The following SLX4 variants were observed in gnomAD, a reference collection of about 807,000 sequenced individuals.
SLX4 encodes the protein SLX4 structure-specific endonuclease subunit.
SLX4 carries 112 observed loss-of-function variants against 146.2 expected under a neutral mutation model. The ratio of observed to expected loss-of-function variants is 0.77; its 90% CI spans 0.66 to 0.90. The LOEUF (loss-of-function observed/expected upper bound fraction) is 0.90, where lower values mean the gene tolerates loss of function less well. Among genes scored for constraint, SLX4 ranks in the 40% least tolerant of loss-of-function variants. SLX4 has a pLI of 0.00. For synonymous variants in SLX4, 1,061 were observed against 997.7 expected, an observed-to-expected ratio of 1.06 and a Z score of -1.20; for missense variants, 2,563 against 2,392.7, an observed-to-expected ratio of 1.07 and a Z score of -1.49.
In SLX4 at chr16:3,589,021, G is replaced by C. The variant is rs545723462; in HGVS notation, c.4617C>G (p.Pro1539=). Residue 1539 remains proline, a synonymous_variant, in exon 12 of 15, where the codon CCC becomes CCG. Transcript: ENST00000294008. The surrounding 1 kb of genome is among the most constrained non-coding windows in gnomAD (Gnocchi z 6.2). ...QMPSAGGAQK[P]EGLETPKGAN... ...ACTCACTGGGTGTCTCTAACCCTTCGGGCTTCTGAGCTCCACCAGCGCTTG... is the reference window on the plus strand; with the variant it reads ...ACTCACTGGGTGTCTCTAACCCTTCCGGCTTCTGAGCTCCACCAGCGCTTG... The C allele has an allele frequency of 6.2e-6, 10 of 1,614,038 alleles. No homozygotes were observed. The highest frequency in any genetic ancestry group is 1.1e-5 in the South Asian group (1 of 91,072).
Position 3,583,491 on chromosome 16 carries a change from G to T in SLX4, c.4759C>A (p.Pro1587Thr). 1 of 1,614,178 alleles carries T rather than the reference G, an allele frequency of 6.2e-7. No individual in the cohort carries two copies. The part of the protein sequence containing the change: ...ELDRFGVRPL[P>T]KRQMVLKLKE... ...AGCTTCAGAACCATCTGGCGTTTAGGCAGAGGGCGGACTCCAAACCTGACG... is the reference window on the plus strand; with the variant it reads ...AGCTTCAGAACCATCTGGCGTTTAGTCAGAGGGCGGACTCCAAACCTGACG... The change falls in exon 14 of 15, where the codon CCT becomes ACT. Residue 1587 changes from proline to threonine, a missense_variant. By Grantham distance (38) the Pro-to-Thr change is conservative (BLOSUM62 -1). Coordinates refer to ENST00000294008, the MANE Select transcript of SLX4 (RefSeq NM_032444.4).
intron 4 of SLX4, chr16:3,601,747 T>C: frequency 3.0e-6 from 1 of 327,898 alleles, no homozygotes; most frequent in Non-Finnish European, 5.8e-6. Flanking sequence ...CTGTGCAATT[T>C]CAGAATCGGC....
chr16:3,610,135 G>A (rs934292648), intron 1 of SLX4, among the ~76,000 whole-genome samples: 2 of 152,150 alleles, frequency 1.3e-5, no homozygotes, highest in Non-Finnish European at 2.9e-5. Flanking sequence ...GCTAAGTGGG[G>A]TTCAAAAATC....
At position 3,582,127 on chromosome 16, in the gene SLX4, G is replaced by A. The variant is rs2040442739; in HGVS notation, c.*215C>T. The A allele has an allele frequency of 5.0e-5, 30 of 597,836 alleles. No individual in the cohort carries two copies. The South Asian group carries it at 6.0e-4, about 12-fold the overall frequency. 37.0% of individuals were successfully genotyped at this position (597,836 alleles called of 1,614,324 possible). ...GGGCTGGAGTCTGTAAATCCAGTGG[G>A]TGACATGCTCCAAATGCCACCCTAG... is the stretch of plus-strand genomic sequence containing the variant. On this transcript the variant is annotated 3_prime_UTR_variant, in exon 15 of 15. Coordinates refer to ENST00000294008, the MANE Select transcript of SLX4 (RefSeq NM_032444.4).
At chr16:3,586,359 TA>T (rs71133646) in intron 12 of SLX4, among the ~76,000 whole-genome samples, 55 of 146,414 alleles carry the variant, frequency 3.8e-4, no homozygotes, top group Admixed American at 5.5e-4. Context: ...CAGTCTCTAC[TA>T]AAAAAAAAAA....
chr16:3,584,774 C>T lies in SLX4; in HGVS notation c.4734G>A (p.Leu1578=). The T allele has an allele frequency of 1.2e-6, 2 of 1,612,652 alleles. No homozygotes were observed. The highest frequency in any genetic ancestry group is 1.7e-6 in the Non-Finnish European group (2 of 1,178,646). Residue 1578 remains leucine, a synonymous_variant, in exon 13 of 15, where the codon CTG becomes CTA. Coordinates refer to ENST00000294008, the MANE Select transcript of SLX4 (RefSeq NM_032444.4). ...AAGCTTTGAAGACCGCCAACCTATC[C>T]AGTTCCTTCTTCAGCACCGGCGTCT... ...IMETPVLKKE[L]DRFGVRPLPK... is the part of the protein sequence containing the mutation.
chr16:3,606,779 C>T, intron 2 of SLX4, 81 bp from the exon 3 acceptor site: 6 of 1,455,130 alleles, frequency 4.1e-6, no homozygotes, highest in African/African-American at 1.4e-5. Context: ...AGGTTAGACG[C>T]AAGTTTCAAG....
intron 7 of SLX4, among the ~76,000 whole-genome samples, chr16:3,596,823 GTT>G (rs559583897): frequency 3.6e-5 from 5 of 137,744 alleles, no homozygotes; most frequent in African/African-American, 8.0e-5. Flanking sequence ...CTGGGACTCT[GTT>G]TTTTTTTTTT....
chr16:3,597,714 G>C lies in SLX4; in HGVS notation c.1367-19C>G, dbSNP rs775465966. ...TTATTCTCTAGAGAGAAACAAAAGC[G>C]ACACCATCAACGGTGGAGTCGGTCC... is the stretch of plus-strand genomic sequence containing the variant. On this transcript the variant is annotated intron_variant, in intron 6 of 14. Transcript: ENST00000294008. The surrounding 1 kb of genome is among the most constrained non-coding windows in gnomAD (Gnocchi z 4.4). 2 of 1,614,010 alleles carry C rather than the reference G, an allele frequency of 1.2e-6. No homozygotes were observed. Among genetic ancestry groups the C allele is most frequent in the Non-Finnish European group, 1.7e-6 (2 of 1,180,010 alleles).
At chr16:3,609,823 C>G (rs1567178865) in intron 1 of SLX4, among the ~76,000 whole-genome samples, 1 of 152,204 alleles carries the variant, frequency 6.6e-6, no homozygotes, top group Non-Finnish European at 1.5e-5. Flanking sequence ...GTTTTCTTAA[C>G]TGAAATTTAG....
At chr16:3,592,632 A>C (rs1596523762) in intron 11 of SLX4, 67 bp downstream of exon 11, 1 of 1,551,306 alleles carries the variant, frequency 6.4e-7, no homozygotes, top group Non-Finnish European at 8.8e-7. Flanking sequence ...CTGCAGCACA[A>C]CCCTCCAGAG....
At position 3,582,384 on chromosome 16, in the gene SLX4, C is replaced by T. The variant is rs768327923; in HGVS notation, c.5463G>A (p.Arg1821=). The change falls in exon 15 of 15, where the codon AGG becomes AGA. Residue 1821 remains arginine (R), a synonymous_variant. Transcript: ENST00000294008. The part of the protein sequence containing the change: ...AATRREKLQG[R]RRQPRGKKKV... ...TCTTCTTGCCCCGAGGCTGCCGCCTCCTGCCCTGGAGCTTCTCCCTGCGGG... is the reference window on the plus strand; with the variant it reads ...TCTTCTTGCCCCGAGGCTGCCGCCTTCTGCCCTGGAGCTTCTCCCTGCGGG... 2 of 1,613,784 alleles carry T rather than the reference C, an allele frequency of 1.2e-6. No homozygotes were observed. The highest frequency in any genetic ancestry group is 1.1e-5 in the South Asian group (1 of 91,074).
Position 3,590,687 on chromosome 16 carries a change from T to A in SLX4, c.2951A>T (p.Glu984Val), listed in dbSNP as rs1183653125. The change falls in exon 12 of 15, where the codon GAA becomes GTA. Residue 984 changes from glutamate (E) to valine (V), a missense_variant. By Grantham distance (121) the Glu-to-Val change is moderately radical. Transcript: ENST00000294008. The surrounding 1 kb of genome is among the most constrained non-coding windows in gnomAD (Gnocchi z 4.8). The part of the protein sequence containing the change: ...LPHSDDAGDY[E>V]QLFSSTQGEI... ...TCCCTGAGTTGATGAGAAGAGCTGT[T>A]CGTAATCCCCGGCATCATCTGAGTG... is the stretch of plus-strand genomic sequence containing the variant. The A allele has an allele frequency of 6.2e-7, 1 of 1,614,194 alleles. No individual in the cohort carries two copies. Among genetic ancestry groups the A allele is most frequent in the Non-Finnish European group, 8.5e-7 (1 of 1,180,026 alleles).
intron 1 of SLX4, among the ~76,000 whole-genome samples, chr16:3,611,067 A>G (rs528496610): frequency 6.6e-6 from 1 of 152,290 alleles, no homozygotes; most frequent in South Asian, 2.1e-4. Context: ...GACATAACGG[A>G]TCCTGCAAGC....
intron 4 of SLX4, 147 bp downstream of exon 4, chr16:3,601,971 C>T (rs1285155200): frequency 4.6e-6 from 4 of 864,554 alleles, no homozygotes; most frequent in Non-Finnish European, 7.4e-6. Flanking sequence ...TGTATCTCAA[C>T]GAAGTTATTT....
At position 3,597,851 on chromosome 16, in the gene SLX4, CAGCCG is replaced by C. The variant is rs1432484675; in HGVS notation, c.1307_1311del (p.Ala436GlyfsTer12). Reference sequence around the variant, plus strand: ...GCACTTTCCAGCCTGAGCGCTGGTACAGCCGCACCCGGCTCCATCTCCGACCGGGA... The same window carrying C: ...GCACTTTCCAGCCTGAGCGCTGGTACCACCCGGCTCCATCTCCGACCGGGA... On this transcript the variant is annotated frameshift_variant, in exon 6 of 15. Coordinates refer to ENST00000294008, the MANE Select transcript of SLX4 (RefSeq NM_032444.4). LOFTEE classifies it high-confidence loss of function. The surrounding 1 kb of genome is among the most constrained non-coding windows in gnomAD (Gnocchi z 4.4). 6.2e-7 allele frequency: 1 copy of C among 1,614,130 alleles called. No homozygotes were observed. The highest frequency in any genetic ancestry group is 8.5e-7 in the Non-Finnish European group (1 of 1,180,036).
chr16:3,597,836 G>A lies in SLX4; in HGVS notation c.1327C>T (p.Leu443=). The A allele has an allele frequency of 6.2e-7, 1 of 1,614,100 alleles. No homozygotes were observed. The highest frequency in any genetic ancestry group is 8.5e-7 in the Non-Finnish European group (1 of 1,180,036). The part of the protein sequence containing the change: ...EPGAAVPALR[L]ESAFSERIRP... ...ATCCTCTCAGAAAAGGCACTTTCCA[G>A]CCTGAGCGCTGGTACAGCCGCACCC... Residue 443 remains leucine, a synonymous_variant, in exon 6 of 15, where the codon CTG becomes TTG. Coordinates refer to ENST00000294008, the MANE Select transcript of SLX4 (RefSeq NM_032444.4). This position sits in a 1 kb window ranked among gnomAD's most constrained non-coding sequence, Gnocchi z 4.4.
In SLX4 at chr16:3,590,777, C is replaced by T. The variant is rs750559914; in HGVS notation, c.2861G>A (p.Gly954Asp). 1.2e-6 allele frequency: 2 copies of T among 1,613,906 alleles called. No individual in the cohort carries two copies. The highest frequency in any genetic ancestry group is 1.3e-5 in the African/African-American group (1 of 74,934). ...GGAAGGGCTGGAGCAGCTGGAATGG[C>T]CAAGCGCCTCCTCTGGCGCCTCCTG... ...PEQEAPEEAL[G>D]HSSCSSPSRD... The change falls in exon 12 of 15, where the codon GGC becomes GAC. Residue 954 changes from glycine to aspartate, a missense_variant. Gly to Asp is a moderately conservative substitution (Grantham distance 94). Transcript: ENST00000294008. The surrounding 1 kb of genome is among the most constrained non-coding windows in gnomAD (Gnocchi z 4.8).
rs137976282 is a variant in SLX4 at position 3,608,544 on chromosome 16, C to A, written c.421G>T (p.Gly141Trp). The change falls in exon 2 of 15, where the codon GGG (glycine) becomes TGG (tryptophan). Residue 141 changes from glycine (G) to tryptophan (W), a missense_variant. By Grantham distance (184) the Gly-to-Trp change is radical. Coordinates refer to ENST00000294008, the MANE Select transcript of SLX4 (RefSeq NM_032444.4). ...SEPAHSVNGE[G>W]GVLASAPDPP... ...TCTGGAGCAGAGGCAAGCACACCCC[C>A]CTCCCCATTCACAGAGTGGGCCGGT... The A allele has an allele frequency of 8.1e-4, 1,307 of 1,614,190 alleles. 1 individual carries two copies. Among genetic ancestry groups the A allele is most frequent in the Middle Eastern group, 1.3e-3 (8 of 6,062 alleles).
Sources: gnomAD v4.1 joint callset for allele counts (sites outside exome capture counted in the v4.1 genomes callset) on GRCh38, gnomAD v4.1.1 for gene constraint, Gnocchi (gnomAD v3.1) non-coding constraint, MANE v1.5 for transcripts, NCBI Gene and HGNC (gene_info 2026-07-23, HGNC 2026-07-21) for gene names.